Variants in GPN2 observed in about 807,000 individuals in gnomAD.
The protein encoded by GPN2 is ATP-binding domain 1 family member B.
A neutral mutation model predicts 30.1 loss-of-function variants in GPN2; 27 were observed. The observed-to-expected ratio is 0.90, with a 90% confidence interval of 0.66 to 1.24. The LOEUF is 1.24. Ranked by LOEUF, GPN2 falls within the 50% of genes most tolerant of loss-of-function variation. The pLI is 0.00. For missense variants in GPN2, 406 were observed against 405.4 expected, an observed-to-expected ratio of 1.00 and a Z score of -0.01; for synonymous variants, 212 against 174.4, an observed-to-expected ratio of 1.22 and a Z score of -1.70.
Position 26,890,154 on chromosome 1 carries a change from G to A in GPN2, c.-58C>T, listed in dbSNP as rs1213315126. On this transcript the variant is annotated 5_prime_UTR_variant, in exon 1 of 5. Transcript: ENST00000374135. ...CAGGGAAAACGGGGCAGGTAGCCGC[G>A]CCGGAGACGAGACTGAGGGCGAGGG... The A allele has an allele frequency of 1.4e-6, 2 of 1,400,190 alleles. No homozygotes were observed. Among genetic ancestry groups the A allele is most frequent in the African/African-American group, 1.5e-5 (1 of 68,808 alleles). The allele number at this position is 1,400,190 out of a possible 1,614,324, so 86.7% of individuals were successfully genotyped here.
At position 26,889,779 on chromosome 1, in the gene GPN2, G is replaced by A; in HGVS notation, c.318C>T (p.Tyr106=). 1 of 1,613,956 alleles carries A rather than the reference G, an allele frequency of 6.2e-7. No individual in the cohort carries two copies. Residue 106 remains tyrosine (Y), a synonymous_variant, in exon 1 of 5, where the codon TAC becomes TAT. Transcript: ENST00000374135. ...RAKLDPLRGH[Y]FLFDCPGQVE... is the part of the protein sequence containing the mutation. ...CCTGGCCTGGGCAGTCGAAGAGGAAGTAGTGGCCGCGGAGGGGGTCGAGCT... is the reference window on the plus strand; with the variant it reads ...CCTGGCCTGGGCAGTCGAAGAGGAAATAGTGGCCGCGGAGGGGGTCGAGCT...
At chr1:26,887,630 C>T (rs1207812317) in intron 2 of GPN2, among the ~76,000 whole-genome samples, 1 of 151,484 alleles carries the variant, frequency 6.6e-6, no homozygotes, top group Admixed American at 6.6e-5. Context: ...GGCATGATCT[C>T]GGCTCACTGC....
Position 26,876,229 on chromosome 1 carries a change from T to C in GPN2, c.*3448A>G, listed in dbSNP as rs1048270899. On this transcript the variant is annotated 3_prime_UTR_variant, in exon 5 of 5. Transcript: ENST00000374135. Reference sequence around the variant, plus strand: ...GGTGACTCATTTTCGTTTTTTTTTTTTTTGAGATGTACTTTCCATCTTGTT... The same window carrying C: ...GGTGACTCATTTTCGTTTTTTTTTTCTTTGAGATGTACTTTCCATCTTGTT... 6.6e-5 allele frequency: 10 copies of C among 152,048 alleles called. No individual in the cohort carries two copies. Among genetic ancestry groups the C allele is most frequent in the Non-Finnish European group, 1.2e-4 (8 of 67,972 alleles). The allele number at this position is 152,048 out of a possible 1,614,324, so 9.4% of individuals were successfully genotyped here. A position where few individuals can be genotyped will look rare whatever the true frequency, so the allele number is the denominator to read the frequency against.
At chr1:26,883,438 A>G (rs2081874298) in intron 4 of GPN2, among the ~76,000 whole-genome samples, 1 of 152,116 alleles carries the variant, frequency 6.6e-6, no homozygotes, top group Non-Finnish European at 1.5e-5. Context: ...AAGCCAAGGG[A>G]CCACCTTTGC....
Position 26,884,269 on chromosome 1 carries a change from C to A in GPN2, c.751G>T (p.Val251Phe). 1 of 1,613,252 alleles carries A rather than the reference C, an allele frequency of 6.2e-7. No homozygotes were observed. Among genetic ancestry groups the A allele is most frequent in the South Asian group, 1.1e-5 (1 of 90,980 alleles). ...TTGGCTTTATCCACAGCCTGCAGGACTCGCTGGATGCTCTCCTTGTCCTGA... is the reference window on the plus strand; with the variant it reads ...TTGGCTTTATCCACAGCCTGCAGGAATCGCTGGATGCTCTCCTTGTCCTGA... The part of the protein sequence containing the change: ...NIQDKESIQR[V>F]LQAVDKANGY... The change falls in exon 4 of 5, where the codon GTC becomes TTC. Residue 251 changes from valine to phenylalanine, a missense_variant. Physicochemically the swap from Val to Phe is conservative, Grantham distance 50 (BLOSUM62 -1). Coordinates refer to ENST00000374135, the MANE Select transcript of GPN2 (RefSeq NM_018066.4).
In GPN2 at chr1:26,890,241, C is replaced by A. The variant is rs557659895; in HGVS notation, c.-145G>T. ...TCGCCTCAGGCGGAACAGCTGAGAC[C>A]GTGTCGCGCAAAAGGAGATAACAGG... On this transcript the variant is annotated 5_prime_UTR_variant, in exon 1 of 5. Transcript: ENST00000374135. 1.1e-5 allele frequency: 8 copies of A among 696,242 alleles called. No homozygotes were observed. The highest frequency in any genetic ancestry group is 1.1e-4 in the South Asian group (5 of 46,780). The allele number at this position is 696,242 out of a possible 1,614,324, so 43.1% of individuals were successfully genotyped here.
At position 26,889,790 on chromosome 1, in the gene GPN2, G is replaced by A. The variant is rs780570676; in HGVS notation, c.307C>T (p.Arg103Cys). 3 of 1,613,788 alleles carry A rather than the reference G, an allele frequency of 1.9e-6. No individual in the cohort carries two copies. The highest frequency in any genetic ancestry group is 1.1e-5 in the South Asian group (1 of 91,088). The change falls in exon 1 of 5, where the codon CGC becomes TGC. Residue 103 changes from arginine to cysteine, a missense_variant. Arg to Cys is a radical substitution (Grantham distance 180). Transcript: ENST00000374135. ...CAGTCGAAGAGGAAGTAGTGGCCGC[G>A]GAGGGGGTCGAGCTTGGCACGCAGC... Reference protein sequence around the residue: ...DWLRAKLDPLRGHYFLFDCPG... With the variant: ...DWLRAKLDPLCGHYFLFDCPG...
At chr1:26,884,426 C>G in intron 3 of GPN2, 136 bp from the exon 4 acceptor site, 1 of 775,086 alleles carries the variant, frequency 1.3e-6, no homozygotes, top group Admixed American at 3.2e-5. Flanking sequence ...CTACATGTCC[C>G]CAAAGGCTGG....
chr1:26,888,991 G>A lies in GPN2; in HGVS notation c.546C>T (p.Leu182=). 2 of 1,614,220 alleles carry A rather than the reference G, an allele frequency of 1.2e-6. No homozygotes were observed. The highest frequency in any genetic ancestry group is 1.7e-5 in the Admixed American group (1 of 60,024). ...TACCCAGCTTCCCATAATGCTCAAT[G>A]AGGTCCATCTTGGAAAGGAGGTTGA... is the stretch of plus-strand genomic sequence containing the variant. ...PHINLLSKMD[L]IEHYGKLAFN... The change falls in exon 2 of 5, where the codon CTC becomes CTT. Residue 182 remains leucine, a synonymous_variant. Transcript: ENST00000374135.
Position 26,889,776 on chromosome 1 carries a change from G to T in GPN2, c.321C>A (p.Phe107Leu), listed in dbSNP as rs1199767069. Reference protein sequence around the residue: ...AKLDPLRGHYFLFDCPGQVEL... With the variant: ...AKLDPLRGHYLLFDCPGQVEL... ...CCACCTGGCCTGGGCAGTCGAAGAG[G>T]AAGTAGTGGCCGCGGAGGGGGTCGA... Residue 107 changes from phenylalanine to leucine, a missense_variant, in exon 1 of 5, where the codon TTC (phenylalanine) becomes TTA (leucine). Phe to Leu is a conservative substitution (Grantham distance 22). Coordinates refer to ENST00000374135, the MANE Select transcript of GPN2 (RefSeq NM_018066.4). 1 of 1,613,964 alleles carries T rather than the reference G, an allele frequency of 6.2e-7. No homozygotes were observed.
intron 4 of GPN2, 105 bp from the exon 5 acceptor site, chr1:26,879,854 C>G: frequency 1.3e-6 from 1 of 744,572 alleles, no homozygotes; most frequent in East Asian, 2.7e-5. Context: ...ATGTCCATCC[C>G]TCTCTTCCTC....
At chr1:26,885,290 T>C (rs2123999570) in intron 3 of GPN2, among the ~76,000 whole-genome samples, 1 of 152,208 alleles carries the variant, frequency 6.6e-6, no homozygotes, top group African/African-American at 2.4e-5. Context: ...AGGGTAAAGG[T>C]GAGAGGCACA....
rs2081889596 is a variant in GPN2, at chr1:26,886,088, A to G, written c.614T>C (p.Leu205Pro). The G allele has an allele frequency of 2.5e-6, 4 of 1,613,582 alleles. No individual in the cohort carries two copies. The highest frequency in any genetic ancestry group is 3.4e-6 in the Non-Finnish European group (4 of 1,179,614). ...YYTEVLDLSYLLDHLASDPFF... is the reference protein window; with the variant it reads ...YYTEVLDLSYPLDHLASDPFF... ...AGGGTCAGAAGCCAGGTGGTCAAGC[A>G]GGTAGGAGAGGTCCAGAACCTCTGT... Residue 205 changes from leucine (L) to proline (P), a missense_variant, in exon 3 of 5, where the codon CTG becomes CCG. Physicochemically the swap from Leu to Pro is moderately conservative, Grantham distance 98. Coordinates refer to ENST00000374135, the MANE Select transcript of GPN2 (RefSeq NM_018066.4).
chr1:26,885,578 CTTTTTTT>C (rs35274818), intron 3 of GPN2, among the ~76,000 whole-genome samples: 1 of 131,892 alleles, frequency 7.6e-6, no homozygotes, highest in Non-Finnish European at 1.6e-5. Flanking sequence ...AAAGACCACT[CTTTTTTT>C]TTTTTTTTTT....
rs528420994 is a variant in GPN2, at chr1:26,885,956, G to A, written c.729+17C>T. On this transcript the variant is annotated intron_variant, in intron 3 of 4. Coordinates refer to ENST00000374135, the MANE Select transcript of GPN2 (RefSeq NM_018066.4). ...AATCCCATGCACTGTCAAGAGTCCCGTCTTAGCCCCTAGTACCTGGATGTT... is the reference window on the plus strand; with the variant it reads ...AATCCCATGCACTGTCAAGAGTCCCATCTTAGCCCCTAGTACCTGGATGTT... 130 of 1,593,636 alleles carry A rather than the reference G, an allele frequency of 8.2e-5. 3 individuals are homozygous for A. In the South Asian group the frequency reaches 1.1e-3, roughly 14 times the overall value.
chr1:26,888,882 A>G (rs2081905023), intron 2 of GPN2, 87 bp downstream of exon 2: 1 of 1,367,550 alleles, frequency 7.3e-7, no homozygotes, highest in Non-Finnish European at 1.0e-6. Context: ...CACGCAAGGC[A>G]CCAGAGGCAG....
Position 26,888,245 on chromosome 1 carries a change from A to G in GPN2, c.568+724T>C, listed in dbSNP as rs190018943. On this transcript the variant is annotated intron_variant, in intron 2 of 4. Coordinates refer to ENST00000374135, the MANE Select transcript of GPN2 (RefSeq NM_018066.4). Reference sequence around the variant, plus strand: ...CCTCATACCAGCCTGCTTCTACCTCAATCTTCCCTATTTTGTCCCTGGCCT... The same window carrying G: ...CCTCATACCAGCCTGCTTCTACCTCGATCTTCCCTATTTTGTCCCTGGCCT... Among the ~76,000 whole-genome samples, 12 of 151,820 alleles carry G rather than the reference A, an allele frequency of 7.9e-5. No homozygotes were observed. In the East Asian group the frequency reaches 1.7e-3, roughly 22 times the overall value.
intron 4 of GPN2, among the ~76,000 whole-genome samples, chr1:26,881,060 T>A (rs1438849688): frequency 1.3e-5 from 2 of 152,198 alleles, no homozygotes; most frequent in Non-Finnish European, 2.9e-5. Context: ...TGTATATGGT[T>A]AAAAATACTC....
At chr1:26,880,844 A>T (rs2081860829) in intron 4 of GPN2, among the ~76,000 whole-genome samples, 1 of 152,176 alleles carries the variant, frequency 6.6e-6, no homozygotes, top group South Asian at 2.1e-4. Context: ...CTTAACTTGA[A>T]TTCCCTTTTC....
Sources: gnomAD v4.1 joint callset for allele counts (sites outside exome capture counted in the v4.1 genomes callset) on GRCh38, gnomAD v4.1.1 for gene constraint, MANE v1.5 for transcripts, NCBI Gene and HGNC (gene_info 2026-07-23, HGNC 2026-07-21) for gene names.